TMEM132C: variants seen among roughly 807,000 people sequenced by gnomAD.
The protein encoded by TMEM132C is protein phosphatase 1, regulatory subunit 152.
Under a neutral mutation model 61.4 loss-of-function variants are expected in TMEM132C, and 29 were observed. The observed-to-expected ratio is 0.47, with a 90% CI of 0.35 to 0.64. The LOEUF is 0.64. Ranked by LOEUF, TMEM132C falls within the 30% of genes least tolerant of loss-of-function variation. TMEM132C has a pLI of 0.00. For synonymous variants in TMEM132C, 656 were observed against 633.1 expected, an observed-to-expected ratio of 1.04 and a Z score of -0.54; for missense variants, 1,408 against 1,476.9, an observed-to-expected ratio of 0.95 and a Z score of 0.76.
chr12:128,420,310 A>G (rs2136026436), intron 2 of TMEM132C, among the ~76,000 whole-genome samples: 1 of 152,350 alleles, frequency 6.6e-6, no homozygotes, highest in South Asian at 2.1e-4. Context: ...ATTTAAGGTG[A>G]CAGTCAAGGC....
chr12:128,528,802 G>A (rs923153260), intron 2 of TMEM132C, among the ~76,000 whole-genome samples: 2 of 152,162 alleles, frequency 1.3e-5, no homozygotes, highest in South Asian at 2.1e-4. Context: ...ATGGCTCACC[G>A]TGGGGCTTTG....
chr12:128,687,229 CA>C (rs1259111124), intron 5 of TMEM132C, among the ~76,000 whole-genome samples: 8 of 142,882 alleles, frequency 5.6e-5, no homozygotes, highest in African/African-American at 1.8e-4. Context: ...GAGGAAATGT[CA>C]GAGAAAGAAT....
chr12:128,508,330 A>G (rs1204739491), intron 2 of TMEM132C, among the ~76,000 whole-genome samples: 2 of 152,186 alleles, frequency 1.3e-5, no homozygotes, highest in African/African-American at 4.8e-5. Flanking sequence ...ACACCTGCGA[A>G]TTATGGGAAA....
chr12:128,386,634 C>T (rs74633149), intron 1 of TMEM132C, among the ~76,000 whole-genome samples: 85 of 152,296 alleles, frequency 5.6e-4, no homozygotes, highest in African/African-American at 2.0e-3. Flanking sequence ...TGGGATTGTT[C>T]TACACGTGTG....
intron 3 of TMEM132C, among the ~76,000 whole-genome samples, chr12:128,560,497 A>G (rs1874472789): frequency 6.6e-6 from 1 of 152,180 alleles, no homozygotes; most frequent in Admixed American, 6.5e-5. Flanking sequence ...GACTCTTTGC[A>G]TGACCAGATT....
intron 1 of TMEM132C, among the ~76,000 whole-genome samples, chr12:128,269,042 A>G (rs933319233): frequency 3.3e-5 from 5 of 151,988 alleles, no homozygotes; most frequent in African/African-American, 1.2e-4. Context: ...GTCAACAGTC[A>G]CGATCTGGTG....
chr12:128,699,449 G>A (rs1434352445), intron 8 of TMEM132C, among the ~76,000 whole-genome samples: 4 of 152,154 alleles, frequency 2.6e-5, no homozygotes, highest in Non-Finnish European at 5.9e-5. Context: ...TAGGACTGAG[G>A]TTGCCAATTC....
chr12:128,351,732 G>A (rs565885640), intron 1 of TMEM132C, among the ~76,000 whole-genome samples: 7 of 152,258 alleles, frequency 4.6e-5, no homozygotes, highest in East Asian at 1.9e-4. Context: ...ACTCACTCCC[G>A]TGAGAATCTC....
intron 2 of TMEM132C, among the ~76,000 whole-genome samples, chr12:128,489,562 C>CATATTT (rs1555227211): frequency 0.012 from 1,720 of 138,386 alleles, 33 homozygotes; most frequent in African/African-American, 0.043. Flanking sequence ...TTTATATGCT[C>CATATTT]ATATATATAT....
chr12:128,374,434 C>G (rs1003417899), intron 1 of TMEM132C, among the ~76,000 whole-genome samples: 22 of 152,138 alleles, frequency 1.4e-4, no homozygotes, highest in Non-Finnish European at 4.4e-5. Context: ...GACTACAAGT[C>G]AATGAAGTTC....
At chr12:128,573,636 AAAG>A (rs894513986) in intron 3 of TMEM132C, among the ~76,000 whole-genome samples, 6 of 152,062 alleles carry the variant, frequency 3.9e-5, no homozygotes, top group African/African-American at 9.7e-5. Context: ...ATTAAAAAAA[AAAG>A]AAGCCATAAC....
In TMEM132C at chr12:128,422,369, G is replaced by A. The variant is rs191763950; in HGVS notation, c.974+6749G>A. On this transcript the variant is annotated intron_variant, in intron 2 of 8. Coordinates refer to ENST00000435159, the MANE Select transcript of TMEM132C (RefSeq NM_001136103.3). ...TTAACGTGAAGAACTTGCGGGTAGG[G>A]GGTGTGAATGTTTGGCCTTGTCAGT... 3.5e-3 allele frequency among the ~76,000 whole-genome samples: 539 copies of A among 152,272 alleles called. 3 individuals carry two copies. Among genetic ancestry groups the A allele is most frequent in the African/African-American group, 0.012 (517 of 41,548 alleles).
At chr12:128,576,594 A>G (rs1335924722) in intron 3 of TMEM132C, among the ~76,000 whole-genome samples, 2 of 152,144 alleles carry the variant, frequency 1.3e-5, no homozygotes, top group South Asian at 2.1e-4. Context: ...TACACTTTCT[A>G]TTTGCCAGCC....
intron 1 of TMEM132C, among the ~76,000 whole-genome samples, chr12:128,374,354 G>C (rs564221311): frequency 9.9e-5 from 15 of 152,140 alleles, no homozygotes; most frequent in Admixed American, 9.8e-4. Flanking sequence ...TGGGGTTTGC[G>C]CTTTGTTGTC....
intron 2 of TMEM132C, among the ~76,000 whole-genome samples, chr12:128,435,661 G>A (rs1323980748): frequency 2.0e-5 from 3 of 152,138 alleles, no homozygotes; most frequent in Non-Finnish European, 4.4e-5. Context: ...ACAAACAAAT[G>A]GAAGAACATT....
intron 2 of TMEM132C, among the ~76,000 whole-genome samples, chr12:128,499,223 C>T (rs1053563373): frequency 4.6e-5 from 7 of 152,028 alleles, no homozygotes; most frequent in African/African-American, 1.4e-4. Context: ...AAATAAACAC[C>T]AAGTAATGGT....
rs1954315913 is a variant in TMEM132C, at chr12:128,655,391, GATT to G, written c.1306-14023_1306-14021del. ...GTGTGTAATGTATTCTTAATCACCTGATTATGTAAATCACTGGTTGCACCTAAC... is the reference window on the plus strand; with the variant it reads ...GTGTGTAATGTATTCTTAATCACCTGATGTAAATCACTGGTTGCACCTAAC... On this transcript the variant is annotated intron_variant, in intron 4 of 8. Coordinates refer to ENST00000435159, the MANE Select transcript of TMEM132C (RefSeq NM_001136103.3). 2.0e-5 allele frequency among the ~76,000 whole-genome samples: 3 copies of G among 152,214 alleles called. No homozygotes were observed. The South Asian group carries it at 6.2e-4, about 32-fold the overall frequency.
intron 5 of TMEM132C, among the ~76,000 whole-genome samples, chr12:128,688,228 C>G (rs1325072447): frequency 6.6e-6 from 1 of 152,220 alleles, no homozygotes; most frequent in Non-Finnish European, 1.5e-5. Context: ...GGAAGGACGA[C>G]TTCAGCCAAG....
chr12:128,403,389 G>A lies in TMEM132C; in HGVS notation c.86-11343G>A, dbSNP rs561407838. On this transcript the variant is annotated intron_variant, in intron 1 of 8. Transcript: ENST00000435159. Reference sequence around the variant, plus strand: ...TAAACCAGAGATGTCTGATGCAGGAGACACCTCCAAAGTCCTGAAAAGAGC... The same window carrying A: ...TAAACCAGAGATGTCTGATGCAGGAAACACCTCCAAAGTCCTGAAAAGAGC... Among the ~76,000 whole-genome samples, 8 of 152,266 alleles carry A rather than the reference G, an allele frequency of 5.3e-5. No individual in the cohort carries two copies. In the East Asian group the frequency reaches 1.5e-3, roughly 29 times the overall value.
Sources: gnomAD v4.1 joint callset for allele counts (sites outside exome capture counted in the v4.1 genomes callset) on GRCh38, gnomAD v4.1.1 for gene constraint, MANE v1.5 for transcripts, NCBI Gene and HGNC (gene_info 2026-07-23, HGNC 2026-07-21) for gene names.